The following GRM8 variants were observed in gnomAD, a reference collection of about 807,000 sequenced individuals.
GRM8 encodes the protein glutamate metabotropic receptor 8.
Under a neutral mutation model 87.2 loss-of-function variants are expected in GRM8, and 47 were observed. That is an observed-to-expected ratio of 0.54 (90% CI 0.43 to 0.69). The LOEUF is 0.69. Among genes scored for constraint, GRM8 ranks in the 30% least tolerant of loss-of-function variants. The pLI, the probability that GRM8 is intolerant of heterozygous loss-of-function variation, is 0.00. For missense variants in GRM8, 1,019 were observed against 1,139.2 expected (o/e 0.89, Z 1.52); for synonymous variants, 396 against 404.5 (o/e 0.98, Z 0.25).
At chr7:127,093,923 T>C (rs571259182) in intron 3 of GRM8, among the ~76,000 whole-genome samples, 102 of 152,306 alleles carry the variant, frequency 6.7e-4, no homozygotes, top group South Asian at 2.7e-3. Context: ...CTGAAATAAT[T>C]TGCACCTATT....
intron 9 of GRM8, among the ~76,000 whole-genome samples, chr7:126,508,490 A>C (rs1470200677): frequency 6.6e-6 from 1 of 152,060 alleles, no homozygotes; most frequent in Non-Finnish European, 1.5e-5. Flanking sequence ...CCCACATCCC[A>C]ATACTGTTAC....
At chr7:126,966,553 TGAAAGAGA>T (rs1809887386) in intron 3 of GRM8, among the ~76,000 whole-genome samples, 2 of 152,182 alleles carry the variant, frequency 1.3e-5, no homozygotes, top group African/African-American at 4.8e-5. Flanking sequence ...GACCTTCCCA[TGAAAGAGA>T]GAAAGAGAGA....
chr7:126,766,888 G>A (rs1818257245), intron 7 of GRM8, among the ~76,000 whole-genome samples: 2 of 152,124 alleles, frequency 1.3e-5, no homozygotes, highest in Non-Finnish European at 2.9e-5. Flanking sequence ...CTGTTTTCTA[G>A]GTTCCTAACA....
chr7:126,959,817 T>A (rs575143655), intron 3 of GRM8, among the ~76,000 whole-genome samples: 2 of 152,216 alleles, frequency 1.3e-5, no homozygotes, highest in African/African-American at 4.8e-5. Flanking sequence ...GCCTGGGTTC[T>A]GAAGTCAGAT....
At chr7:127,090,680 C>T (rs530508476) in intron 3 of GRM8, among the ~76,000 whole-genome samples, 54 of 151,222 alleles carry the variant, frequency 3.6e-4, no homozygotes, top group African/African-American at 1.2e-3. Flanking sequence ...TTCTGATTCC[C>T]GGCTCTCCTT....
chr7:127,082,342 G>A (rs954860007), intron 3 of GRM8, among the ~76,000 whole-genome samples: 1 of 152,030 alleles, frequency 6.6e-6, no homozygotes, highest in Non-Finnish European at 1.5e-5. Context: ...ATTCAGGGGT[G>A]GGCTTCCTTG....
intron 9 of GRM8, among the ~76,000 whole-genome samples, chr7:126,449,973 A>C (rs768980113): frequency 7.2e-5 from 11 of 151,940 alleles, no homozygotes; most frequent in South Asian, 2.1e-4. Flanking sequence ...AACCTGAAGC[A>C]GTCAGATGCC....
intron 9 of GRM8, among the ~76,000 whole-genome samples, chr7:126,464,389 GT>G (rs202068497): frequency 1.4e-5 from 2 of 148,040 alleles, no homozygotes; most frequent in Non-Finnish European, 3.0e-5. Context: ...GGGTCTTGTA[GT>G]TTTTTATTAT....
At chr7:126,993,339 T>C (rs1812859361) in intron 3 of GRM8, among the ~76,000 whole-genome samples, 2 of 152,292 alleles carry the variant, frequency 1.3e-5, no homozygotes, top group Non-Finnish European at 1.5e-5. Context: ...CAATAGAATG[T>C]CATTCAGCCA....
Position 127,213,785 on chromosome 7 carries a change from T to G in GRM8, c.510+28910A>C, listed in dbSNP as rs899280212. Among the ~76,000 whole-genome samples, 3 of 152,356 alleles carry G rather than the reference T, an allele frequency of 2.0e-5. 1 individual carries two copies. The South Asian group carries it at 6.2e-4, about 32-fold the overall frequency. On this transcript the variant is annotated intron_variant, in intron 2 of 10. Transcript: ENST00000339582. ...TTGTTTTGATGTTTTGAATATGGTTTTGTTTACTGAACTTCCAGACAAGAT... is the reference window on the plus strand; with the variant it reads ...TTGTTTTGATGTTTTGAATATGGTTGTGTTTACTGAACTTCCAGACAAGAT...
intron 2 of GRM8, among the ~76,000 whole-genome samples, chr7:127,216,558 G>GAGGA (rs1231873157): frequency 2.1e-5 from 3 of 144,828 alleles, no homozygotes; most frequent in African/African-American, 7.5e-5. Context: ...AGAAGAAGCT[G>GAGGA]AGGACAAGTC....
chr7:126,533,203 C>T lies in GRM8; in HGVS notation c.2179G>A (p.Glu727Lys). The T allele has an allele frequency of 6.2e-7, 1 of 1,612,968 alleles. No homozygotes were observed. Among genetic ancestry groups the T allele is most frequent in the Non-Finnish European group, 8.5e-7 (1 of 1,179,676 alleles). ...TTCTCTGGATCTAGTGTCCGCTGCT[C>T]TCCATAGTCAATGATGATGTGGGGG... ...DPPHIIIDYG[E>K]QRTLDPEKAR... Residue 727 changes from glutamate to lysine, a missense_variant, in exon 9 of 11, where the codon GAG (glutamate) becomes AAG (lysine). By Grantham distance (56) the Glu-to-Lys change is moderately conservative (BLOSUM62 1). Transcript: ENST00000339582.
intron 7 of GRM8, among the ~76,000 whole-genome samples, chr7:126,699,823 C>G (rs998416324): frequency 6.6e-6 from 1 of 152,170 alleles, no homozygotes; most frequent in African/African-American, 2.4e-5. Context: ...CTGGCTGCAT[C>G]TCTCCAGTTG....
At chr7:126,937,037 A>G (rs1466390561) in intron 3 of GRM8, among the ~76,000 whole-genome samples, 2 of 152,206 alleles carry the variant, frequency 1.3e-5, no homozygotes, top group African/African-American at 4.8e-5. Flanking sequence ...AGATATTGAC[A>G]GCTGGAAAGC....
chr7:126,625,720 T>A (rs1349600432), intron 7 of GRM8, among the ~76,000 whole-genome samples: 3 of 152,088 alleles, frequency 2.0e-5, no homozygotes, highest in Non-Finnish European at 4.4e-5. Context: ...GATATGCATC[T>A]CAGGGAAGCA....
At position 127,095,325 on chromosome 7, in the gene GRM8, C is replaced by T. The variant is rs538586824; in HGVS notation, c.727+11171G>A. Among the ~76,000 whole-genome samples the T allele has an allele frequency of 2.3e-4, 35 of 152,186 alleles. 1 individual carries two copies. In the South Asian group the frequency reaches 7.3e-3, roughly 32 times the overall value. On this transcript the variant is annotated intron_variant, in intron 3 of 10. Coordinates refer to ENST00000339582, the MANE Select transcript of GRM8 (RefSeq NM_000845.3). ...TTGATGCTGGGTGGAAGCTGTTGGC[C>T]CTGGCTAAGACCCAGGAACTGAACA...
intron 3 of GRM8, among the ~76,000 whole-genome samples, chr7:127,048,947 C>T (rs1819198434): frequency 6.6e-6 from 1 of 152,096 alleles, no homozygotes; most frequent in Non-Finnish European, 1.5e-5. Flanking sequence ...CCTAAGTTTT[C>T]ACGTATTAGA....
intron 7 of GRM8, among the ~76,000 whole-genome samples, chr7:126,729,748 CGA>C (rs1286875635): frequency 6.6e-6 from 1 of 152,110 alleles, no homozygotes; most frequent in Non-Finnish European, 1.5e-5. Flanking sequence ...GAGAGGATCT[CGA>C]GCTCTGAAAT....
intron 8 of GRM8, among the ~76,000 whole-genome samples, chr7:126,557,124 T>C (rs1793228233): frequency 6.6e-6 from 1 of 152,196 alleles, no homozygotes; most frequent in Non-Finnish European, 1.5e-5. Flanking sequence ...TGATATTCAC[T>C]GGAATACTGT....
Sources: allele counts gnomAD v4.1 joint callset (sites outside exome capture counted in the v4.1 genomes callset), GRCh38; gene constraint gnomAD v4.1.1; transcripts MANE v1.5; gene names NCBI Gene and HGNC (gene_info 2026-07-23, HGNC 2026-07-21).